NTRK3: variants seen among roughly 807,000 people sequenced by gnomAD.
NTRK3 encodes the protein neurotrophic receptor tyrosine kinase 3, also known as NT-3 growth factor receptor.
NTRK3 carries 24 observed loss-of-function variants against 91.7 expected under a neutral mutation model. The observed-to-expected ratio is 0.26, with a 90% CI of 0.19 to 0.37. The LOEUF is 0.37. Ranked by LOEUF, NTRK3 falls within the 10% of genes least tolerant of loss-of-function variation. NTRK3 has a pLI of 1.00. For synonymous variants in NTRK3, 483 were observed against 404.0 expected (o/e 1.20, Z -2.34); for missense variants, 880 against 1,068.9 (o/e 0.82, Z 2.46).
chr15:88,207,817 G>C, intron 3 of NTRK3, among the ~76,000 whole-genome samples: 1 of 152,234 alleles, frequency 6.6e-6, no homozygotes, highest in Non-Finnish European at 1.5e-5. Context: ...GCTCATGGGA[G>C]ATGGCAGAGA....
At chr15:88,111,912 T>TTG (rs200029383) in intron 13 of NTRK3, among the ~76,000 whole-genome samples, 21,292 of 150,240 alleles carry the variant, frequency 0.14, 1,890 homozygotes, top group African/African-American at 0.23. Context: ...GTTTTTGTTT[T>TTG]TTTTTTTTGA....
chr15:87,897,151 G>A (rs1214353477), intron 17 of NTRK3, among the ~76,000 whole-genome samples: 6 of 152,258 alleles, frequency 3.9e-5, no homozygotes, highest in Middle Eastern at 3.4e-3. Flanking sequence ...GAGCCAAGCC[G>A]TTTAGCAGTG....
At chr15:88,041,824 T>TAAAAAAAAAAAAAAAAAAAAAAAAAAAA (rs35696268) in intron 13 of NTRK3, among the ~76,000 whole-genome samples, 1 of 90,242 alleles carries the variant, frequency 1.1e-5, no homozygotes. Context: ...AAGTCCCTCA[T>TAAAAAAAAAAAAAAAAAAAAAAAAAAAA]AAAAAAAAAA....
intron 18 of NTRK3, among the ~76,000 whole-genome samples, chr15:87,879,019 A>G (rs1028191579): frequency 1.3e-5 from 2 of 151,726 alleles, no homozygotes; most frequent in African/African-American, 4.8e-5. Flanking sequence ...AATGGGTTCT[A>G]GTATATATAC....
intron 14 of NTRK3, chr15:87,979,594 G>A: frequency 4.4e-6 from 3 of 677,698 alleles, no homozygotes; most frequent in East Asian, 5.4e-5. Context: ...TCAGCAAAAG[G>A]GAAGGATAGG....
chr15:88,128,712 C>T (rs369612960), exon 11 of NTRK3: 3 of 1,614,074 alleles, frequency 1.9e-6, no homozygotes, highest in Non-Finnish European at 2.5e-6. Flanking sequence ...CAGACTTACA[C>T]AAGATAAAGT....
At chr15:87,982,673 T>C (rs2074392082) in intron 14 of NTRK3, among the ~76,000 whole-genome samples, 1 of 152,124 alleles carries the variant, frequency 6.6e-6, no homozygotes, top group African/African-American at 2.4e-5. Context: ...ACCCATACGA[T>C]TGGATGAGAG....
chr15:87,993,800 T>A (rs1413558056), intron 14 of NTRK3, among the ~76,000 whole-genome samples: 1 of 152,094 alleles, frequency 6.6e-6, no homozygotes, highest in Non-Finnish European at 1.5e-5. Context: ...GGCCACTATG[T>A]TCAGAGCTGG....
intron 13 of NTRK3, among the ~76,000 whole-genome samples, chr15:88,041,719 GCTGT>G (rs1295188388): frequency 1.3e-5 from 2 of 151,172 alleles, no homozygotes; most frequent in African/African-American, 2.4e-5. Flanking sequence ...TGGTGGGGGT[GCTGT>G]CTATCACATC....
At chr15:87,967,376 C>A (rs572849731) in intron 14 of NTRK3, among the ~76,000 whole-genome samples, 59 of 152,256 alleles carry the variant, frequency 3.9e-4, no homozygotes, top group African/African-American at 1.4e-3. Flanking sequence ...GACATTAAAG[C>A]ATTTCATAGT....
intron 13 of NTRK3, among the ~76,000 whole-genome samples, chr15:88,047,211 T>A (rs559129297): frequency 6.6e-6 from 1 of 152,218 alleles, no homozygotes; most frequent in Non-Finnish European, 1.5e-5. Context: ...TGGCTGCTCA[T>A]TGAACAGGTG....
At chr15:88,225,310 A>G (rs931224254) in intron 3 of NTRK3, among the ~76,000 whole-genome samples, 1 of 152,170 alleles carries the variant, frequency 6.6e-6, no homozygotes. Flanking sequence ...TTAAGCAGGT[A>G]TGGGTTCTCT....
chr15:88,151,891 G>A (rs1434171975), intron 5 of NTRK3, among the ~76,000 whole-genome samples: 1 of 152,150 alleles, frequency 6.6e-6, no homozygotes, highest in African/African-American at 2.4e-5. Context: ...CCTCACCTGT[G>A]TACTCCCACT....
intron 3 of NTRK3, among the ~76,000 whole-genome samples, chr15:88,191,215 C>G (rs2047361948): frequency 1.4e-5 from 2 of 145,570 alleles, no homozygotes; most frequent in South Asian, 2.1e-4. Flanking sequence ...TGTGTCTTAA[C>G]ACAGAGCCTC....
At chr15:88,014,754 C>T (rs1027050970) in intron 14 of NTRK3, among the ~76,000 whole-genome samples, 2 of 152,238 alleles carry the variant, frequency 1.3e-5, no homozygotes, top group Non-Finnish European at 2.9e-5. Flanking sequence ...TCTCCGGCAA[C>T]ACCGGAGCAG....
rs1567470398 is a variant in NTRK3, at chr15:88,126,231, T to C, written c.1396+40A>G. 4 of 1,387,558 alleles carry C rather than the reference T, an allele frequency of 2.9e-6. No individual in the cohort carries two copies. In the South Asian group the frequency reaches 4.6e-5, roughly 16 times the overall value. The allele number at this position is 1,387,558 out of a possible 1,614,324, so 86.0% of individuals were successfully genotyped here. A position where few individuals can be genotyped will look rare whatever the true frequency, so the allele number is the denominator to read the frequency against. ...TCTTTTGATCAAAAGCAGTAATGTT[T>C]CCCCCCATGACGCCCTTGAAAATGA... On this transcript the variant is annotated intron_variant, in intron 13 of 18. Transcript: ENST00000394480.
chr15:87,865,153 A>G (rs997912595), exon 19 of NTRK3: 1 of 210,134 alleles, frequency 4.8e-6, no homozygotes, highest in African/African-American at 2.3e-5. Flanking sequence ...ATGCAGCTTT[A>G]TTCTGATTTC....
chr15:88,139,847 A>T (rs1230875218), intron 6 of NTRK3, among the ~76,000 whole-genome samples: 1 of 144,110 alleles, frequency 6.9e-6, no homozygotes, highest in Non-Finnish European at 1.5e-5. Flanking sequence ...GCTGGGTGCA[A>T]GAGAGAAGCA....
At position 88,169,649 on chromosome 15, in the gene NTRK3, G is replaced by A. The variant is rs573427503; in HGVS notation, c.395+13769C>T. On this transcript the variant is annotated intron_variant, in intron 5 of 18. Transcript: ENST00000394480. Reference sequence around the variant, plus strand: ...CCAACCCTTTAGTACACTGACTTTGGGGCCACAGGGAAGCATGGTGGGGAG... The same window carrying A: ...CCAACCCTTTAGTACACTGACTTTGAGGCCACAGGGAAGCATGGTGGGGAG... 9.2e-5 allele frequency among the ~76,000 whole-genome samples: 14 copies of A among 152,294 alleles called. No individual in the cohort carries two copies. The South Asian group carries it at 2.9e-3, about 32-fold the overall frequency.
Sources: allele counts gnomAD v4.1 joint callset (sites outside exome capture counted in the v4.1 genomes callset), GRCh38; gene constraint gnomAD v4.1.1; transcripts MANE v1.5; gene names NCBI Gene and HGNC (gene_info 2026-07-23, HGNC 2026-07-21).